Variants in UNC79 observed in about 807,000 individuals in gnomAD.
UNC79 encodes unc-79 subunit of NALCN channel complex.
In UNC79, 37 loss-of-function variants were observed where a neutral mutation model predicts 283.1. The observed-to-expected ratio is 0.13, with a 90% CI of 0.10 to 0.17. UNC79 has a LOEUF of 0.17. UNC79 is among the 10% of genes least tolerant of loss of function. UNC79 has a pLI of 1.00. For synonymous variants in UNC79, 1,107 were observed against 1,200.2 expected, an observed-to-expected ratio of 0.92 and a Z score of 1.61; for missense variants, 2,272 against 3,211.1, an observed-to-expected ratio of 0.71 and a Z score of 7.07.
At chr14:93,695,484 G>A (rs563510073) in intron 47 of UNC79, among the ~76,000 whole-genome samples, 16 of 152,296 alleles carry the variant, frequency 1.1e-4, no homozygotes, top group South Asian at 8.3e-4. Flanking sequence ...GTGCAGTGGT[G>A]CAATAATATA....
chr14:93,620,466 C>T (rs191819282), intron 29 of UNC79, among the ~76,000 whole-genome samples: 43 of 152,092 alleles, frequency 2.8e-4, no homozygotes, highest in African/African-American at 1.0e-3. Flanking sequence ...TTTTGGAAAG[C>T]CCAAGATCCA....
chr14:93,565,519 C>A (rs1458948030), intron 14 of UNC79, among the ~76,000 whole-genome samples: 1 of 152,168 alleles, frequency 6.6e-6, no homozygotes, highest in African/African-American at 2.4e-5. Context: ...GTATCCTGTT[C>A]TTCTATAGCT....
intron 42 of UNC79, among the ~76,000 whole-genome samples, chr14:93,684,358 CAT>C (rs1393145321): frequency 6.6e-6 from 1 of 152,080 alleles, no homozygotes; most frequent in Non-Finnish European, 1.5e-5. Context: ...TAAATATGCA[CAT>C]GTTTTATATT....
chr14:93,471,884 G>A (rs1309159851), intron 2 of UNC79, among the ~76,000 whole-genome samples: 1 of 151,896 alleles, frequency 6.6e-6, no homozygotes, highest in Non-Finnish European at 1.5e-5. Context: ...TATACAGGAA[G>A]GGAAAAATAT....
intron 1 of UNC79, among the ~76,000 whole-genome samples, chr14:93,414,986 T>C (rs1217391591): frequency 6.6e-6 from 1 of 152,220 alleles, no homozygotes; most frequent in Non-Finnish European, 1.5e-5. Flanking sequence ...TTTGACTTCC[T>C]CTTTTCCTAA....
At chr14:93,677,113 A>G (rs2073408537) in intron 41 of UNC79, among the ~76,000 whole-genome samples, 1 of 152,200 alleles carries the variant, frequency 6.6e-6, no homozygotes, top group Admixed American at 6.5e-5. Context: ...ATTTCAAAGT[A>G]ACAAATCTTT....
In UNC79 at chr14:93,387,344, A is replaced by AT. The variant is rs199614866; in HGVS notation, c.-351+53830dup. 2.2e-3 allele frequency among the ~76,000 whole-genome samples: 325 copies of AT among 147,044 alleles called. 5 individuals are homozygous for AT. The East Asian group carries it at 0.026, about 12-fold the overall frequency. On this transcript the variant is annotated intron_variant, in intron 1 of 49. Transcript: ENST00000256339. ...GTGTATCATTAGGTGGTTTTTTTGA[A>AT]TTTTTTTTTCTTTTTCAATGTAAAC...
At chr14:93,674,598 C>T (rs1205736829) in intron 41 of UNC79, among the ~76,000 whole-genome samples, 1 of 152,172 alleles carries the variant, frequency 6.6e-6, no homozygotes, top group Non-Finnish European at 1.5e-5. Flanking sequence ...GCATTAAGAC[C>T]AGTCCCAGAG....
chr14:93,512,684 A>G (rs2059883462), intron 7 of UNC79, among the ~76,000 whole-genome samples: 1 of 152,094 alleles, frequency 6.6e-6, no homozygotes, highest in South Asian at 2.1e-4. Flanking sequence ...AATTTTATAT[A>G]TGCTATCTTT....
At chr14:93,379,533 T>C (rs1277402204) in intron 1 of UNC79, among the ~76,000 whole-genome samples, 1 of 152,212 alleles carries the variant, frequency 6.6e-6, no homozygotes. Flanking sequence ...TTTCAGACTT[T>C]AATAAACTGC....
chr14:93,520,806 A>G (rs529813320), intron 7 of UNC79, among the ~76,000 whole-genome samples: 1 of 151,984 alleles, frequency 6.6e-6, no homozygotes, highest in Non-Finnish European at 1.5e-5. Context: ...GCCTATCTTC[A>G]TGCTTTCCTT....
chr14:93,590,762 C>A (rs555481449), intron 22 of UNC79, among the ~76,000 whole-genome samples: 2 of 152,184 alleles, frequency 1.3e-5, no homozygotes, highest in Non-Finnish European at 2.9e-5. Context: ...CTGGGAAAGG[C>A]GAATGGGACT....
At chr14:93,486,185 GCTGT>G (rs2058418987) in intron 4 of UNC79, among the ~76,000 whole-genome samples, 2 of 152,200 alleles carry the variant, frequency 1.3e-5, no homozygotes, top group South Asian at 4.2e-4. Context: ...AGGGTTTTAT[GCTGT>G]CTGCACCATT....
At chr14:93,354,210 T>C (rs1319221077) in intron 1 of UNC79, among the ~76,000 whole-genome samples, 2 of 152,158 alleles carry the variant, frequency 1.3e-5, no homozygotes, top group East Asian at 3.8e-4. Flanking sequence ...AGGAAAGTGA[T>C]ATGAGAAGAT....
At chr14:93,657,932 T>C (rs1327306033) in intron 38 of UNC79, among the ~76,000 whole-genome samples, 1 of 152,202 alleles carries the variant, frequency 6.6e-6, no homozygotes, top group Non-Finnish European at 1.5e-5. Flanking sequence ...CTTCTGGTTG[T>C]CTGTCTTCCT....
intron 1 of UNC79, among the ~76,000 whole-genome samples, chr14:93,363,411 T>C (rs1287557404): frequency 1.3e-5 from 2 of 152,230 alleles, no homozygotes; most frequent in African/African-American, 4.8e-5. Flanking sequence ...GTATGTGCCA[T>C]GTGCCTCTGG....
At chr14:93,551,636 T>G (rs557106762) in intron 14 of UNC79, among the ~76,000 whole-genome samples, 1 of 152,300 alleles carries the variant, frequency 6.6e-6, no homozygotes, top group African/African-American at 2.4e-5. Context: ...GTTAAACATA[T>G]AAAAGCACAG....
At chr14:93,427,170 T>C (rs2140082297), upstream of UNC79, among the ~76,000 whole-genome samples, 1 of 152,298 alleles carries the variant, frequency 6.6e-6, no homozygotes, top group Non-Finnish European at 1.5e-5. Context: ...ATAGGTGATA[T>C]CTCCTTTACT....
At chr14:93,431,486 G>C (rs552803540) in intron 1 of UNC79, among the ~76,000 whole-genome samples, 1 of 151,952 alleles carries the variant, frequency 6.6e-6, no homozygotes, top group Non-Finnish European at 1.5e-5. Flanking sequence ...AGTTCTTGGT[G>C]CTGGAGCCAT....
Sources: gnomAD v4.1 joint callset for allele counts (sites outside exome capture counted in the v4.1 genomes callset) on GRCh38, gnomAD v4.1.1 for gene constraint, MANE v1.5 for transcripts, NCBI Gene and HGNC (gene_info 2026-07-23, HGNC 2026-07-21) for gene names.